CFAP70: variants seen among roughly 807,000 people sequenced by gnomAD.
CFAP70 encodes cilia- and flagella-associated protein 70.
Under a neutral mutation model 137.6 loss-of-function variants are expected in CFAP70, and 81 were observed. That is an observed-to-expected ratio of 0.59 (90% confidence interval 0.49 to 0.71). The LOEUF (loss-of-function observed/expected upper bound fraction) is 0.71. Ranked by LOEUF, CFAP70 falls within the 30% of genes least tolerant of loss-of-function variation. The pLI, the probability that CFAP70 is intolerant of heterozygous loss-of-function variation, is 0.00. For missense variants in CFAP70, 976 were observed against 1,226.7 expected (o/e 0.80, Z 3.05); for synonymous variants, 382 against 423.6 (o/e 0.90, Z 1.20).
chr10:73,316,481 G>GATATATATATATATATATATATATATAT (rs1253458738), intron 9 of CFAP70, among the ~76,000 whole-genome samples: 1 of 106,536 alleles, frequency 9.4e-6, no homozygotes, highest in African/African-American at 3.6e-5. Context: ...TATATATATA[G>GATATATATATATATATATATATATATAT]ATATAGATAT....
At chr10:73,291,608 AAAACACAT>A in intron 18 of CFAP70, 24 bp downstream of exon 19, 1 of 1,579,378 alleles carries the variant, frequency 6.3e-7, no homozygotes, top group South Asian at 1.1e-5. Flanking sequence ...TAATGGGGAG[AAAACACAT>A]TCAGATTACA....
In CFAP70 at chr10:73,331,336, G is replaced by A. The variant is rs927465544; in HGVS notation, c.678-60C>T. 26 of 1,377,526 alleles carry A rather than the reference G, an allele frequency of 1.9e-5. No homozygotes were observed. The African/African-American group carries it at 3.7e-4, about 20-fold the overall frequency. The allele number at this position is 1,377,526 out of a possible 1,614,324, so 85.3% of individuals were successfully genotyped here. A position where few individuals can be genotyped will look rare whatever the true frequency, so the allele number is the denominator to read the frequency against. On this transcript the variant is annotated intron_variant, in intron 7 of 26. Transcript: ENST00000310715. ...GCAAAAATAAAGTCAGTATAATTTAGGTTAAAGGGAAATATTCTCTTTTAG... is the reference window on the plus strand; with the variant it reads ...GCAAAAATAAAGTCAGTATAATTTAAGTTAAAGGGAAATATTCTCTTTTAG...
chr10:73,351,065 GTGTGTGTATATATA>G (rs1373079426), intron 3 of CFAP70, among the ~76,000 whole-genome samples: 10 of 55,658 alleles, frequency 1.8e-4, no homozygotes, highest in African/African-American at 8.1e-4. Flanking sequence ...GTGTGTGTGT[GTGTGTGTATATATA>G]TATATATATA....
At chr10:73,362,953 G>A (rs1335707388), upstream of CFAP70, among the ~76,000 whole-genome samples, 7 of 120,514 alleles carry the variant, frequency 5.8e-5, no homozygotes, top group Non-Finnish European at 8.0e-5. Flanking sequence ...AGGGGTTAAT[G>A]TCCAGAGTAT....
intron 25 of CFAP70, among the ~76,000 whole-genome samples, chr10:73,263,630 A>G (rs2045488405): frequency 2.0e-5 from 3 of 152,264 alleles, no homozygotes; most frequent in African/African-American, 4.8e-5. Flanking sequence ...TCAGTGCACC[A>G]TATCAGGAAG....
At chr10:73,337,329 C>T (rs2052765008) in intron 6 of CFAP70, among the ~76,000 whole-genome samples, 1 of 151,310 alleles carries the variant, frequency 6.6e-6, no homozygotes, top group South Asian at 2.1e-4. Context: ...AAAGTAAATA[C>T]AGAAACCAGC....
intron 9 of CFAP70, among the ~76,000 whole-genome samples, chr10:73,315,361 A>T (rs2050256593): frequency 6.6e-6 from 1 of 152,168 alleles, no homozygotes; most frequent in Admixed American, 6.5e-5. Flanking sequence ...TCCCTTGTAT[A>T]CATATACCAC....
At chr10:73,262,393 T>C (rs2045342619) in intron 25 of CFAP70, among the ~76,000 whole-genome samples, 1 of 152,082 alleles carries the variant, frequency 6.6e-6, no homozygotes, top group Admixed American at 6.6e-5. Flanking sequence ...CTCACAGTGC[T>C]TGTATTCAAG....
chr10:73,290,812 A>C (rs139370307), intron 19 of CFAP70, among the ~76,000 whole-genome samples: 13 of 152,260 alleles, frequency 8.5e-5, no homozygotes, highest in Admixed American at 2.6e-4. Context: ...AAAGACAGTA[A>C]ATTCTCTAAG....
intron 8 of CFAP70, among the ~76,000 whole-genome samples, chr10:73,328,021 G>A (rs543168049): frequency 9.9e-5 from 15 of 152,160 alleles, no homozygotes; most frequent in African/African-American, 2.9e-4. Flanking sequence ...AAAAGAGCTC[G>A]CATCGCCAAG....
At chr10:73,322,523 G>A (rs950858171) in intron 9 of CFAP70, among the ~76,000 whole-genome samples, 2 of 147,720 alleles carry the variant, frequency 1.4e-5, no homozygotes, top group Non-Finnish European at 3.0e-5. Flanking sequence ...GCAGTAGTGA[G>A]CTATGATTGT....
At chr10:73,266,040 T>C (rs1372705495) in intron 25 of CFAP70, among the ~76,000 whole-genome samples, 1 of 152,174 alleles carries the variant, frequency 6.6e-6, no homozygotes, top group African/African-American at 2.4e-5. Context: ...CCCATGGACA[T>C]GGTATATCTT....
intron 6 of CFAP70, among the ~76,000 whole-genome samples, chr10:73,340,728 G>A (rs967630078): frequency 2.6e-5 from 4 of 152,248 alleles, no homozygotes; most frequent in African/African-American, 9.6e-5. Context: ...ACTTCCCTGA[G>A]CACATGCGCA....
At chr10:73,293,862 G>A (rs2048345822) in intron 15 of CFAP70, 1 of 152,406 alleles carries the variant, frequency 6.6e-6, no homozygotes, top group East Asian at 1.9e-4. Context: ...TATAGTTTTA[G>A]TAGGAAATAT....
chr10:73,329,869 A>G (rs2051895615), intron 8 of CFAP70, among the ~76,000 whole-genome samples: 1 of 152,180 alleles, frequency 6.6e-6, no homozygotes, highest in Non-Finnish European at 1.5e-5. Context: ...TTCAAAAGGA[A>G]AGAGTGCTTT....
intron 6 of CFAP70, among the ~76,000 whole-genome samples, chr10:73,339,052 G>A (rs2052988802): frequency 6.6e-6 from 1 of 151,780 alleles, no homozygotes; most frequent in Admixed American, 6.6e-5. Flanking sequence ...CCAAGCAGCT[G>A]GAATTACAGG....
At chr10:73,348,365 TG>T in intron 4 of CFAP70, 57 bp downstream of exon 4, 1 of 1,559,492 alleles carries the variant, frequency 6.4e-7, no homozygotes, top group Non-Finnish European at 8.8e-7. Flanking sequence ...TATATCTCTC[TG>T]GGGCTAAGTT....
chr10:73,271,434 C>A (rs1336223675), intron 24 of CFAP70, among the ~76,000 whole-genome samples: 1 of 152,132 alleles, frequency 6.6e-6, no homozygotes, highest in Non-Finnish European at 1.5e-5. Flanking sequence ...ATCACTTGAA[C>A]CCAGGAGGCA....
chr10:73,316,435 G>A (rs1014191546), intron 9 of CFAP70, among the ~76,000 whole-genome samples: 8 of 139,824 alleles, frequency 5.7e-5, no homozygotes, highest in Non-Finnish European at 1.2e-4. Context: ...ATAAATATTT[G>A]TGATATCCCA....
Sources: gnomAD v4.1 joint callset for allele counts (sites outside exome capture counted in the v4.1 genomes callset) on GRCh38, gnomAD v4.1.1 for gene constraint, MANE v1.5 for transcripts, NCBI Gene and HGNC (gene_info 2026-07-23, HGNC 2026-07-21) for gene names.